The following DLGAP1 variants were observed in gnomAD, a reference collection of about 807,000 sequenced individuals.
DLGAP1 encodes the protein disks large-associated protein 1.
In DLGAP1, 11 loss-of-function variants were observed where a neutral mutation model predicts 90.8. The ratio of observed to expected loss-of-function variants is 0.12; its 90% confidence interval spans 0.08 to 0.20. DLGAP1 has a LOEUF of 0.20. Ranked by LOEUF, DLGAP1 falls within the 10% of genes least tolerant of loss-of-function variation. DLGAP1 has a pLI of 1.00. For missense variants in DLGAP1, 1,050 were observed against 1,333.8 expected, an observed-to-expected ratio of 0.79 and a Z score of 3.31; for synonymous variants, 558 against 540.7, an observed-to-expected ratio of 1.03 and a Z score of -0.44.
Position 4,084,960 on chromosome 18 carries a change from C to CAGATAA in DLGAP1, c.-159+66219_-159+66220insTTATCT, listed in dbSNP as rs11283105. On this transcript the variant is annotated intron_variant, in intron 2 of 12. Transcript: ENST00000315677. This position sits in a 1 kb window ranked among gnomAD's most constrained non-coding sequence, Gnocchi z 4.0. ...AGAGCATGCTGCAAGGAGCAGGCATCGTCCAGGATGGTTAATGGGGAAGAC... is the reference window on the plus strand; with the variant it reads ...AGAGCATGCTGCAAGGAGCAGGCATCAGATAAGTCCAGGATGGTTAATGGGGAAGAC... Among the ~76,000 whole-genome samples the CAGATAA allele has an allele frequency of 0.59, 89,768 of 151,226 alleles. 27,303 individuals are homozygous for CAGATAA. Among genetic ancestry groups the CAGATAA allele is most frequent in the Non-Finnish European group, 0.64 (43,384 of 67,676 alleles).
At chr18:3,993,032 A>G (rs2073999191) in intron 3 of DLGAP1, 2 of 152,136 alleles carry the variant, frequency 1.3e-5, no homozygotes, top group East Asian at 3.9e-4. Flanking sequence ...AAAAGATTAC[A>G]AAATAGCCTC....
chr18:3,916,093 TC>T (rs1291637938), intron 3 of DLGAP1, among the ~76,000 whole-genome samples: 1 of 152,160 alleles, frequency 6.6e-6, no homozygotes, highest in African/African-American at 2.4e-5. Flanking sequence ...CCATAAGGCT[TC>T]CCTCTCAACA....
Position 3,741,937 on chromosome 18 carries a change from G to C in DLGAP1, c.1350+398C>G, listed in dbSNP as rs149137166. On this transcript the variant is annotated intron_variant, in intron 6 of 12. Coordinates refer to ENST00000315677, the MANE Select transcript of DLGAP1 (RefSeq NM_004746.4). ...GGTTCACTGCAACCTCTGCCTCCCA[G>C]TTTCAAGTGATTCTCTTGCCTCAGC... Among the ~76,000 whole-genome samples the C allele has an allele frequency of 2.8e-3, 423 of 151,742 alleles. 2 individuals are homozygous for C. Among genetic ancestry groups the C allele is most frequent in the African/African-American group, 9.7e-3 (403 of 41,336 alleles).
chr18:3,753,871 T>A (rs2063600849), intron 5 of DLGAP1, among the ~76,000 whole-genome samples: 2 of 152,250 alleles, frequency 1.3e-5, no homozygotes, highest in Non-Finnish European at 1.5e-5. Context: ...TTAAAAATAC[T>A]GTTGTCCTTG....
At chr18:3,874,437 G>A in intron 4 of DLGAP1, 2 of 1,434,960 alleles carry the variant, frequency 1.4e-6, no homozygotes, top group East Asian at 5.0e-5. Context: ...CTAAAATCTT[G>A]CTCTTCTGAA....
intron 1 of DLGAP1, among the ~76,000 whole-genome samples, chr18:4,326,191 A>T (rs888432945): frequency 6.6e-6 from 1 of 152,078 alleles, no homozygotes; most frequent in Non-Finnish European, 1.5e-5. Context: ...TGGACAAAGA[A>T]TATGAACAAA....
At chr18:3,764,039 A>G (rs1258342343) in intron 5 of DLGAP1, among the ~76,000 whole-genome samples, 2 of 152,232 alleles carry the variant, frequency 1.3e-5, no homozygotes, top group Non-Finnish European at 2.9e-5. Flanking sequence ...TGTGATGAGA[A>G]AAGCAAAAAT....
intron 7 of DLGAP1, among the ~76,000 whole-genome samples, chr18:3,664,357 T>C (rs1012788222): frequency 6.6e-6 from 1 of 152,160 alleles, no homozygotes; most frequent in African/African-American, 2.4e-5. Context: ...TAAGGTATAA[T>C]ATAATGATTG....
chr18:3,914,213 C>T (rs2072094239), intron 3 of DLGAP1, among the ~76,000 whole-genome samples: 9 of 152,142 alleles, frequency 5.9e-5, no homozygotes, highest in Admixed American at 5.9e-4. Context: ...CCCATCCTTC[C>T]CTTTCCCCCA....
chr18:3,828,437 T>A (rs959276532), intron 4 of DLGAP1, among the ~76,000 whole-genome samples: 3 of 152,040 alleles, frequency 2.0e-5, no homozygotes, highest in African/African-American at 7.2e-5. Flanking sequence ...CCCAGGTGTT[T>A]GAGATCAGCC....
At position 4,003,177 on chromosome 18, in the gene DLGAP1, C is replaced by T. The variant is rs541803956; in HGVS notation, c.-73+1939G>A. 3.3e-5 allele frequency among the ~76,000 whole-genome samples: 5 copies of T among 152,270 alleles called. No individual in the cohort carries two copies. In the South Asian group the frequency reaches 1.0e-3, roughly 32 times the overall value. On this transcript the variant is annotated intron_variant, in intron 3 of 12. Transcript: ENST00000315677. The stretch of plus-strand genomic sequence containing the variant: ...GAGGGGGGAATATACTGGGAGGAAA[C>T]AATAGTTTGATAAAAGCTTCCCAGT...
At chr18:4,453,641 A>T (rs1598446857) in intron 1 of DLGAP1, among the ~76,000 whole-genome samples, 2 of 152,186 alleles carry the variant, frequency 1.3e-5, no homozygotes, top group South Asian at 2.1e-4. Context: ...TCTCATCTCC[A>T]TGTCTAACCA....
intron 1 of DLGAP1, among the ~76,000 whole-genome samples, chr18:4,409,262 TAC>T (rs1314965449): frequency 1.3e-5 from 2 of 152,108 alleles, no homozygotes; most frequent in African/African-American, 4.8e-5. Flanking sequence ...TACATGTGAC[TAC>T]AGTTAATTTT....
intron 4 of DLGAP1, among the ~76,000 whole-genome samples, chr18:3,869,634 A>G (rs1228978594): frequency 6.6e-6 from 1 of 152,242 alleles, no homozygotes; most frequent in African/African-American, 2.4e-5. Flanking sequence ...GTCGGCACAC[A>G]AGACAGTGAA....
At position 3,676,591 on chromosome 18, in the gene DLGAP1, G is replaced by A. The variant is rs150903226; in HGVS notation, c.1591+52544C>T. 4.8e-4 allele frequency among the ~76,000 whole-genome samples: 73 copies of A among 152,114 alleles called. 1 individual carries two copies. The Middle Eastern group carries it at 0.01, about 21-fold the overall frequency. On this transcript the variant is annotated intron_variant, in intron 7 of 12. Transcript: ENST00000315677. ...CCTACAAAAACCCCTTTTACAATGA[G>A]CAACTTCCTTCTTTCACACCTCTGC...
At chr18:3,601,039 TAAAGATATAG>T (rs199767152) in intron 7 of DLGAP1, among the ~76,000 whole-genome samples, 1 of 146,260 alleles carries the variant, frequency 6.8e-6, no homozygotes, top group African/African-American at 2.5e-5. Context: ...GATATAGAGA[TAAAGATATAG>T]ATAGATATAT....
chr18:3,986,667 A>T (rs184377988), intron 3 of DLGAP1: 12 of 152,230 alleles, frequency 7.9e-5, no homozygotes, highest in Non-Finnish European at 2.9e-5. Context: ...AGAAAGACCA[A>T]ATGAGAAGGA....
intron 3 of DLGAP1, among the ~76,000 whole-genome samples, chr18:3,959,663 C>CA (rs1035437885): frequency 2.5e-4 from 35 of 142,248 alleles, no homozygotes; most frequent in African/African-American, 6.0e-4. Flanking sequence ...GACTCTGTCT[C>CA]AAAAAAAAAG....
At chr18:3,800,741 A>T (rs949062025) in intron 5 of DLGAP1, among the ~76,000 whole-genome samples, 15 of 152,206 alleles carry the variant, frequency 9.9e-5, no homozygotes, top group African/African-American at 3.6e-4. Flanking sequence ...AATAATAAAA[A>T]AGGAAATCTT....
Sources: gnomAD v4.1 joint callset for allele counts (sites outside exome capture counted in the v4.1 genomes callset) on GRCh38, gnomAD v4.1.1 for gene constraint, Gnocchi (gnomAD v3.1) non-coding constraint, MANE v1.5 for transcripts, NCBI Gene and HGNC (gene_info 2026-07-23, HGNC 2026-07-21) for gene names.